TIAM1: variants seen among roughly 807,000 people sequenced by gnomAD.
TIAM1 encodes rho guanine nucleotide exchange factor TIAM1.
Under a neutral mutation model 163.5 loss-of-function variants are expected in TIAM1, and 65 were observed. That is an observed-to-expected ratio of 0.40 (90% confidence interval 0.33 to 0.49). The LOEUF (loss-of-function observed/expected upper bound fraction) is 0.49, where lower values mean the gene tolerates loss of function less well. Ranked by LOEUF, TIAM1 falls within the 20% of genes least tolerant of loss-of-function variation. TIAM1 has a pLI of 0.77. For missense variants in TIAM1, 1,789 were observed against 2,044.7 expected, an observed-to-expected ratio of 0.87 and a Z score of 2.41; for synonymous variants, 833 against 810.1, an observed-to-expected ratio of 1.03 and a Z score of -0.48.
chr21:31,431,513 C>T (rs1457571185), intron 2 of TIAM1, among the ~76,000 whole-genome samples: 2 of 152,208 alleles, frequency 1.3e-5, no homozygotes, highest in African/African-American at 4.8e-5. Context: ...TTCAATGTTG[C>T]ATCCTAAGGC....
At chr21:31,302,327 T>C (rs571397524) in intron 2 of TIAM1, among the ~76,000 whole-genome samples, 26 of 152,294 alleles carry the variant, frequency 1.7e-4, no homozygotes, top group Admixed American at 3.3e-4. Context: ...AATGCAACAT[T>C]TCAACCTTGA....
At chr21:31,487,823 C>A (rs1017319774) in intron 1 of TIAM1, among the ~76,000 whole-genome samples, 1 of 152,028 alleles carries the variant, frequency 6.6e-6, no homozygotes, top group Non-Finnish European at 1.5e-5. Flanking sequence ...TCCCAAAGTG[C>A]TGGGATTACA....
chr21:31,124,630 T>G lies in TIAM1; in HGVS notation c.4198A>C (p.Arg1400=). The part of the protein sequence containing the change: ...VHSILRDKHR[R]QLLKTESLPS... The stretch of plus-strand genomic sequence containing the variant: ...AGGCTCTCGGTTTTGAGGAGCTGTC[T>G]TCTGTGCTTATCACGCAGGATTGAA... The change falls in exon 27 of 28, where the codon AGA becomes CGA. Residue 1400 remains arginine, a synonymous_variant. Transcript: ENST00000541036. 3 of 1,613,568 alleles carry G rather than the reference T, an allele frequency of 1.9e-6. No homozygotes were observed. Among genetic ancestry groups the G allele is most frequent in the Non-Finnish European group, 2.5e-6 (3 of 1,179,720 alleles).
At chr21:31,148,004 CAAA>C (rs34410316) in intron 19 of TIAM1, among the ~76,000 whole-genome samples, 8 of 63,802 alleles carry the variant, frequency 1.3e-4, no homozygotes, top group African/African-American at 3.5e-4. Context: ...TGTCCATGAC[CAAA>C]AAAAAAAAAA....
chr21:31,248,791 G>A (rs2071638621), intron 5 of TIAM1, among the ~76,000 whole-genome samples: 6 of 151,970 alleles, frequency 3.9e-5, no homozygotes, highest in African/African-American at 1.5e-4. Context: ...TCCATGTTCT[G>A]GGCCTGAATT....
At chr21:31,387,336 A>G (rs1377649441) in intron 2 of TIAM1, among the ~76,000 whole-genome samples, 1 of 148,694 alleles carries the variant, frequency 6.7e-6, no homozygotes, top group East Asian at 2.0e-4. Flanking sequence ...AATTCTCCTG[A>G]CTCAGCCTCC....
intron 1 of TIAM1, among the ~76,000 whole-genome samples, chr21:31,492,666 A>G (rs2046507039): frequency 6.6e-6 from 1 of 151,988 alleles, no homozygotes; most frequent in Non-Finnish European, 1.5e-5. Context: ...CTGTGCCCCG[A>G]CCACCTTGGG....
At chr21:31,240,226 T>C (rs1353976600) in intron 6 of TIAM1, among the ~76,000 whole-genome samples, 1 of 151,966 alleles carries the variant, frequency 6.6e-6, no homozygotes, top group East Asian at 1.9e-4. Flanking sequence ...TGGGGTGGGG[T>C]AGGAGGGTTA....
At chr21:31,134,034 C>T (rs558631467) in intron 23 of TIAM1, among the ~76,000 whole-genome samples, 3 of 152,208 alleles carry the variant, frequency 2.0e-5, no homozygotes, top group African/African-American at 4.8e-5. Context: ...CACCATTGCA[C>T]TCCAGCCTGG....
At chr21:31,399,366 T>C (rs2077126932) in intron 2 of TIAM1, among the ~76,000 whole-genome samples, 2 of 152,144 alleles carry the variant, frequency 1.3e-5, no homozygotes, top group Non-Finnish European at 1.5e-5. Context: ...TTACAATCTA[T>C]TAAAGTTTTA....
chr21:31,137,922 A>C (rs1427329394), intron 22 of TIAM1, among the ~76,000 whole-genome samples: 1 of 150,648 alleles, frequency 6.6e-6, no homozygotes, highest in African/African-American at 2.4e-5. Context: ...TGAGATTTCC[A>C]GTTATTTGTT....
At chr21:31,548,970 TGA>T (rs1368838234) in intron 1 of TIAM1, among the ~76,000 whole-genome samples, 2 of 152,148 alleles carry the variant, frequency 1.3e-5, no homozygotes, top group Non-Finnish European at 2.9e-5. Context: ...TGCCCCCAGT[TGA>T]GAGCCTCTGT....
chr21:31,376,695 A>G (rs1393837269), intron 2 of TIAM1, among the ~76,000 whole-genome samples: 1 of 151,898 alleles, frequency 6.6e-6, no homozygotes, highest in Admixed American at 6.6e-5. Context: ...CTCAGTGCCT[A>G]CATGCTGACT....
intron 17 of TIAM1, among the ~76,000 whole-genome samples, 170 bp from the exon 18 acceptor site, chr21:31,153,304 T>G (rs200753933): frequency 6.6e-6 from 1 of 152,212 alleles, no homozygotes; most frequent in South Asian, 2.1e-4. Context: ...GTCCATTTCA[T>G]GCAGGAGTAA....
At chr21:31,208,022 T>C (rs1254372546) in intron 11 of TIAM1, among the ~76,000 whole-genome samples, 1 of 152,240 alleles carries the variant, frequency 6.6e-6, no homozygotes, top group Non-Finnish European at 1.5e-5. Context: ...AGGGATTTTG[T>C]ACCTTAATGA....
intron 2 of TIAM1, among the ~76,000 whole-genome samples, chr21:31,320,509 A>AT (rs1360775540): frequency 6.6e-6 from 1 of 152,198 alleles, no homozygotes; most frequent in African/African-American, 2.4e-5. Context: ...AATCCACAAC[A>AT]TTACAAAAAA....
At position 31,266,158 on chromosome 21, in the gene TIAM1, A is replaced by C. The variant is rs2072747472; in HGVS notation, c.815T>G (p.Met272Arg). ...SDIPNLANHK[M>R]PPAAAEETPP... ...AGTCTCTTCAGCAGCAGCTGGTGGCATCTTATGGTTTGCAAGATTGGGAAT... is the reference window on the plus strand; with the variant it reads ...AGTCTCTTCAGCAGCAGCTGGTGGCCTCTTATGGTTTGCAAGATTGGGAAT... The change falls in exon 4 of 28, where the codon ATG (methionine) becomes AGG (arginine). Residue 272 changes from methionine (M) to arginine (R), a missense_variant. Around this residue, in one of 5 missense-constraint regions of TIAM1, gnomAD observed 555 missense variants for 564.9 expected, o/e 0.98. Coordinates refer to ENST00000541036, the MANE Select transcript of TIAM1 (RefSeq NM_001353694.2). 6.2e-7 allele frequency: 1 copy of C among 1,614,038 alleles called. No homozygotes were observed. The highest frequency in any genetic ancestry group is 1.7e-5 in the Admixed American group (1 of 60,012).
At chr21:31,270,340 C>CA (rs1352519090) in intron 3 of TIAM1, among the ~76,000 whole-genome samples, 1 of 152,106 alleles carries the variant, frequency 6.6e-6, no homozygotes, top group Non-Finnish European at 1.5e-5. Context: ...ACAAGGAGGA[C>CA]AGGCTGAAAT....
intron 24 of TIAM1, 113 bp downstream of exon 24, chr21:31,130,777 G>GA: frequency 2.0e-6 from 2 of 1,009,216 alleles, no homozygotes; most frequent in Non-Finnish European, 3.0e-6. Flanking sequence ...GCTTAAGAAA[G>GA]AAAAAAGATC....
Sources: allele counts gnomAD v4.1 joint callset (sites outside exome capture counted in the v4.1 genomes callset), GRCh38; gene constraint gnomAD v4.1.1; regional missense constraint gnomAD v4.1.1; transcripts MANE v1.5; gene names NCBI Gene and HGNC (gene_info 2026-07-23, HGNC 2026-07-21).